NDUFS4: variants seen among roughly 807,000 people sequenced by gnomAD.
NDUFS4 encodes the protein NADH dehydrogenase [ubiquinone] iron-sulfur protein 4, mitochondrial.
A neutral mutation model predicts 24.3 loss-of-function variants in NDUFS4; 28 were observed. The ratio of observed to expected loss-of-function variants is 1.15; its 90% CI spans 0.85 to 1.58. The LOEUF (loss-of-function observed/expected upper bound fraction) is 1.58. Ranked by LOEUF, NDUFS4 falls within the 40% of genes most tolerant of loss-of-function variation. The pLI is 0.00. For missense variants in NDUFS4, 223 were observed against 207.9 expected, an observed-to-expected ratio of 1.07 and a Z score of -0.45; for synonymous variants, 93 against 69.7, an observed-to-expected ratio of 1.34 and a Z score of -1.67.
intron 1 of NDUFS4, among the ~76,000 whole-genome samples, chr5:53,585,933 G>T (rs1458217429): frequency 6.6e-6 from 1 of 152,010 alleles, no homozygotes; most frequent in Non-Finnish European, 1.5e-5. Context: ...TAAGCAAATT[G>T]CCAAGTACAT....
At chr5:53,621,690 ATTTTTTT>A (rs58169759) in intron 2 of NDUFS4, among the ~76,000 whole-genome samples, 106 of 81,572 alleles carry the variant, frequency 1.3e-3, no homozygotes, top group African/African-American at 5.0e-3. Context: ...CTCATAGTAA[ATTTTTTT>A]TTTTTTTTTT....
chr5:53,590,408 A>G (rs1034330271), intron 1 of NDUFS4, among the ~76,000 whole-genome samples: 3 of 152,242 alleles, frequency 2.0e-5, no homozygotes, highest in Non-Finnish European at 4.4e-5. Context: ...AGTCTAAAAA[A>G]TCAAGAGGTT....
intron 1 of NDUFS4, among the ~76,000 whole-genome samples, chr5:53,602,844 T>C (rs1418984055): frequency 6.6e-6 from 1 of 151,994 alleles, no homozygotes. Flanking sequence ...GTAATTGGAG[T>C]GAGAGTAGGA....
intron 4 of NDUFS4, among the ~76,000 whole-genome samples, chr5:53,662,066 T>A (rs1752359307): frequency 6.6e-6 from 1 of 152,190 alleles, no homozygotes; most frequent in Non-Finnish European, 1.5e-5. Flanking sequence ...GGCATCCCTG[T>A]CTTGTGCCAG....
intron 1 of NDUFS4, among the ~76,000 whole-genome samples, chr5:53,576,327 T>C (rs1441389603): frequency 6.6e-6 from 1 of 152,154 alleles, no homozygotes; most frequent in Non-Finnish European, 1.5e-5. Context: ...GAAGAGAGAA[T>C]TGGTTTACAT....
intron 2 of NDUFS4, 71 bp from the exon 3 acceptor site, chr5:53,646,162 G>T (rs1751855599): frequency 7.8e-7 from 1 of 1,288,434 alleles, no homozygotes; most frequent in Non-Finnish European, 1.1e-6. Flanking sequence ...ATGAATATAG[G>T]AAACAACAAA....
intron 2 of NDUFS4, among the ~76,000 whole-genome samples, chr5:53,624,216 T>C (rs1300764662): frequency 1.3e-5 from 2 of 152,330 alleles, no homozygotes; most frequent in South Asian, 4.1e-4. Context: ...TTGGCCCATA[T>C]ATCTATTCTC....
chr5:53,597,257 A>C (rs774485882), intron 1 of NDUFS4, among the ~76,000 whole-genome samples: 74 of 152,330 alleles, frequency 4.9e-4, no homozygotes, highest in Non-Finnish European at 8.2e-4. Context: ...CTAAGAAACA[A>C]TATTCTAAGA....
intron 2 of NDUFS4, among the ~76,000 whole-genome samples, chr5:53,632,453 A>T (rs142956047): frequency 6.6e-6 from 1 of 152,284 alleles, no homozygotes; most frequent in East Asian, 1.9e-4. Context: ...TACTTGTCCC[A>T]CTTCACAGAG....
At chr5:53,564,153 T>G (rs1357393111) in intron 1 of NDUFS4, among the ~76,000 whole-genome samples, 2 of 152,188 alleles carry the variant, frequency 1.3e-5, no homozygotes, top group Non-Finnish European at 2.9e-5. Flanking sequence ...GTTGCTGTGT[T>G]TGGTTCTTCA....
chr5:53,562,614 T>C (rs1474407439), intron 1 of NDUFS4, among the ~76,000 whole-genome samples: 1 of 152,192 alleles, frequency 6.6e-6, no homozygotes, highest in Non-Finnish European at 1.5e-5. Context: ...AAATACAAAT[T>C]AACACATTTA....
At chr5:53,647,984 A>G (rs1751914248) in intron 3 of NDUFS4, among the ~76,000 whole-genome samples, 1 of 152,260 alleles carries the variant, frequency 6.6e-6, no homozygotes, top group Non-Finnish European at 1.5e-5. Context: ...AAATTCAATT[A>G]GAACATCACA....
chr5:53,561,770 C>G (rs933895728), intron 1 of NDUFS4, among the ~76,000 whole-genome samples: 5 of 151,896 alleles, frequency 3.3e-5, no homozygotes, highest in African/African-American at 1.2e-4. Context: ...TGAGTTAATT[C>G]GGAAGAATTT....
At chr5:53,681,398 C>T (rs1740660040) in intron 4 of NDUFS4, among the ~76,000 whole-genome samples, 1 of 152,086 alleles carries the variant, frequency 6.6e-6, no homozygotes, top group South Asian at 2.1e-4. Context: ...AGGGTGCTTT[C>T]TAAGCACTTT....
chr5:53,588,702 C>T (rs925941243), intron 1 of NDUFS4, among the ~76,000 whole-genome samples: 3 of 152,186 alleles, frequency 2.0e-5, no homozygotes, highest in Non-Finnish European at 4.4e-5. Flanking sequence ...AAATACACCA[C>T]TCTTAGGCAC....
At chr5:53,679,643 C>T (rs1006761214) in intron 4 of NDUFS4, among the ~76,000 whole-genome samples, 1 of 152,096 alleles carries the variant, frequency 6.6e-6, no homozygotes, top group African/African-American at 2.4e-5. Flanking sequence ...TTCTACCTGG[C>T]GGCTGAAAGG....
chr5:53,675,529 C>T lies in NDUFS4; in HGVS notation c.425-7589C>T, dbSNP rs186804577. Among the ~76,000 whole-genome samples the T allele has an allele frequency of 1.1e-3, 173 of 152,070 alleles. 1 individual carries two copies. The East Asian group carries it at 0.018, about 16-fold the overall frequency. On this transcript the variant is annotated intron_variant, in intron 4 of 4. Coordinates refer to ENST00000296684, the MANE Select transcript of NDUFS4 (RefSeq NM_002495.4). ...TGAAGGTAGAAAAGCCTTATCTACA[C>T]GCACAATAAGGCTTTTCTCTATACA...
chr5:53,680,091 T>C (rs1460715754), intron 4 of NDUFS4, among the ~76,000 whole-genome samples: 1 of 152,168 alleles, frequency 6.6e-6, no homozygotes, highest in Non-Finnish European at 1.5e-5. Flanking sequence ...AGTACTTAGG[T>C]GTTAACGTCC....
intron 1 of NDUFS4, among the ~76,000 whole-genome samples, chr5:53,568,174 T>A (rs1749098565): frequency 6.6e-6 from 1 of 152,214 alleles, no homozygotes; most frequent in Non-Finnish European, 1.5e-5. Context: ...GGTAACCTTT[T>A]CTTCTTGTCT....
Sources: allele counts gnomAD v4.1 joint callset (sites outside exome capture counted in the v4.1 genomes callset), GRCh38; gene constraint gnomAD v4.1.1; transcripts MANE v1.5; gene names NCBI Gene and HGNC (gene_info 2026-07-23, HGNC 2026-07-21).